The following LUC7L3 variants were observed in gnomAD, a reference collection of about 807,000 sequenced individuals.
The protein encoded by LUC7L3 is luc7-like protein 3.
Under a neutral mutation model 66.8 loss-of-function variants are expected in LUC7L3, and 6 were observed. The ratio of observed to expected loss-of-function variants is 0.09; its 90% CI spans 0.05 to 0.18. The LOEUF (loss-of-function observed/expected upper bound fraction) is 0.18. LUC7L3 is among the 10% of genes least tolerant of loss of function. LUC7L3 has a pLI of 1.00. For missense variants in LUC7L3, 341 were observed against 531.1 expected (o/e 0.64, Z 3.52); for synonymous variants, 160 against 174.7 (o/e 0.92, Z 0.66).
intron 2 of LUC7L3, among the ~76,000 whole-genome samples, chr17:50,739,032 G>C (rs1477120026): frequency 6.6e-6 from 1 of 152,194 alleles, no homozygotes; most frequent in African/African-American, 2.4e-5. Context: ...GCCGGAGGGG[G>C]AAAAAGACAT....
chr17:50,732,466 C>CAACCTCCTGGGCTCCAACG, intron 1 of LUC7L3, among the ~76,000 whole-genome samples: 1 of 152,162 alleles, frequency 6.6e-6, no homozygotes, highest in South Asian at 2.1e-4. Flanking sequence ...ACTGCAGCCT[C>CAACCTCCTGGGCTCCAACG]AACCTCCTGG....
intron 2 of LUC7L3, among the ~76,000 whole-genome samples, chr17:50,739,540 G>A (rs1970209868): frequency 1.3e-5 from 2 of 152,132 alleles, no homozygotes; most frequent in African/African-American, 4.8e-5. Context: ...TGTAATCCTA[G>A]CTCCTTGGAA....
intron 1 of LUC7L3, among the ~76,000 whole-genome samples, chr17:50,735,606 A>C (rs1006499442): frequency 2.0e-5 from 3 of 152,098 alleles, no homozygotes; most frequent in African/African-American, 7.2e-5. Context: ...CCCAGGCTCA[A>C]GCAATCCTTC....
rs1258974558 is a variant in LUC7L3 at position 50,746,019 on chromosome 17, C to T, written c.977+16C>T. 2 of 1,573,330 alleles carry T rather than the reference C, an allele frequency of 1.3e-6. No homozygotes were observed. Among genetic ancestry groups the T allele is most frequent in the Non-Finnish European group, 1.7e-6 (2 of 1,166,824 alleles). On this transcript the variant is annotated intron_variant, in intron 8 of 9. Coordinates refer to ENST00000505658, the MANE Select transcript of LUC7L3 (RefSeq NM_016424.5). ...GGCGGAGCAGGTATATATAAAACAC[C>T]CTAAGACTGTCCAGCTCATAATGGG...
At position 50,751,267 on chromosome 17, in the gene LUC7L3, T is replaced by A. The variant is rs1350781335; in HGVS notation, c.*606T>A. The A allele has an allele frequency of 7.4e-7, 1 of 1,347,134 alleles. No individual in the cohort carries two copies. The highest frequency in any genetic ancestry group is 2.2e-5 in the Admixed American group (1 of 45,208). The allele number at this position is 1,347,134 out of a possible 1,614,324, so 83.4% of individuals were successfully genotyped here. On this transcript the variant is annotated 3_prime_UTR_variant, in exon 10 of 10. Coordinates refer to ENST00000505658, the MANE Select transcript of LUC7L3 (RefSeq NM_016424.5). ...TGATGGAAGTGTAGGGTTTATGAAT[T>A]ATTGCAGCTGACTACCATACCTCAC...
chr17:50,736,886 G>A (rs1970019324), intron 1 of LUC7L3, 74 bp from the exon 2 acceptor site: 1 of 858,428 alleles, frequency 1.2e-6, no homozygotes, highest in East Asian at 2.5e-5. Flanking sequence ...TGAGAAAATA[G>A]TTATTTGGCA....
intron 1 of LUC7L3, among the ~76,000 whole-genome samples, chr17:50,731,378 G>C (rs1016640855): frequency 7.9e-5 from 12 of 152,240 alleles, no homozygotes; most frequent in African/African-American, 2.6e-4. Flanking sequence ...ATGTTGGCCA[G>C]GCTGGTCTTG....
chr17:50,730,057 A>G (rs566998156), intron 1 of LUC7L3, among the ~76,000 whole-genome samples: 1 of 151,024 alleles, frequency 6.6e-6, no homozygotes, highest in African/African-American at 2.4e-5. Flanking sequence ...GGGCTCTAGC[A>G]GTCCTCCCAC....
chr17:50,744,926 C>G (rs1970573030), intron 7 of LUC7L3, 113 bp downstream of exon 7: 2 of 789,028 alleles, frequency 2.5e-6, no homozygotes, highest in South Asian at 3.7e-5. Flanking sequence ...ATTCTCATGC[C>G]TCAGCCTCCT....
At chr17:50,734,215 T>C (rs6504679) in intron 1 of LUC7L3, among the ~76,000 whole-genome samples, 151,456 of 151,502 alleles carry the variant, frequency 1, 75,705 homozygotes, top group Middle Eastern at 1. Context: ...CTGCCCAGGC[T>C]AGAGTGCAAT....
rs201655450 is a variant in LUC7L3 at position 50,745,753 on chromosome 17, C to A, written c.727C>A (p.Arg243Ser). The change falls in exon 8 of 10, where the codon CGT (arginine) becomes AGT (serine). Residue 243 changes from arginine to serine, a missense_variant. Coordinates refer to ENST00000505658, the MANE Select transcript of LUC7L3 (RefSeq NM_016424.5). ...AAGGAAAAGAACCGAAGAACCTGAT[C>A]GTGATGAGCGTCTAAAAAAGGAGAA... ...KLRKRTEEPD[R>S]DERLKKEKQE... 13 of 1,587,888 alleles carry A rather than the reference C, an allele frequency of 8.2e-6. No homozygotes were observed. Among genetic ancestry groups the A allele is most frequent in the Non-Finnish European group, 1.1e-5 (13 of 1,173,484 alleles).
rs1427133143 is a variant in LUC7L3 at position 50,752,258 on chromosome 17, A to AT, written c.*1600dup. 3 of 1,275,556 alleles carry AT rather than the reference A, an allele frequency of 2.4e-6. No individual in the cohort carries two copies. The highest frequency in any genetic ancestry group is 2.0e-6 in the Non-Finnish European group (2 of 980,228). The allele number at this position is 1,275,556 out of a possible 1,614,324, so 79.0% of individuals were successfully genotyped here. On this transcript the variant is annotated 3_prime_UTR_variant, in exon 10 of 10. Transcript: ENST00000505658. ...AGAACGGCATAAAGTGAAGATCGAC[A>AT]TTTAAAAAATGAGGTGAAAGAAAGC... is the stretch of plus-strand genomic sequence containing the variant.
chr17:50,725,577 A>G (rs1365394266), intron 1 of LUC7L3, among the ~76,000 whole-genome samples: 1 of 152,208 alleles, frequency 6.6e-6, no homozygotes, highest in East Asian at 1.9e-4. Context: ...ACAGAATATG[A>G]TAAATCCTAC....
chr17:50,736,300 A>G (rs900854276), intron 1 of LUC7L3, among the ~76,000 whole-genome samples: 29 of 152,290 alleles, frequency 1.9e-4, no homozygotes, highest in African/African-American at 6.7e-4. Context: ...CAAAAGTACC[A>G]GTGGGAGAGA....
At chr17:50,729,379 C>T (rs958951454) in intron 1 of LUC7L3, among the ~76,000 whole-genome samples, 2 of 152,160 alleles carry the variant, frequency 1.3e-5, no homozygotes, top group Admixed American at 1.3e-4. Context: ...TATTTTCATG[C>T]ATTTGTATGA....
At chr17:50,722,962 A>G (rs553543692) in intron 1 of LUC7L3, 1 of 152,358 alleles carries the variant, frequency 6.6e-6, no homozygotes, top group South Asian at 2.1e-4. Flanking sequence ...GCACTAAGCA[A>G]TTGCTTGGTT....
At chr17:50,740,673 C>T (rs576586259) in intron 3 of LUC7L3, among the ~76,000 whole-genome samples, 88 of 152,252 alleles carry the variant, frequency 5.8e-4, no homozygotes, top group Middle Eastern at 6.8e-3. Context: ...ATTCTCCTGC[C>T]TCAAACTCCC....
chr17:50,726,622 G>T (rs969622766), intron 1 of LUC7L3, among the ~76,000 whole-genome samples: 3 of 152,192 alleles, frequency 2.0e-5, no homozygotes, highest in Admixed American at 2.0e-4. Context: ...ATCTGCACCT[G>T]GGGTTGCTGG....
intron 1 of LUC7L3, among the ~76,000 whole-genome samples, chr17:50,725,045 A>T (rs1315247292): frequency 6.6e-6 from 1 of 152,190 alleles, no homozygotes; most frequent in African/African-American, 2.4e-5. Context: ...GGGGTGAGCC[A>T]CCATGCCCAG....
Sources: allele counts gnomAD v4.1 joint callset (sites outside exome capture counted in the v4.1 genomes callset), GRCh38; gene constraint gnomAD v4.1.1; transcripts MANE v1.5; gene names NCBI Gene and HGNC (gene_info 2026-07-23, HGNC 2026-07-21).